GPC5: variants seen among roughly 807,000 people sequenced by gnomAD.
GPC5 encodes glypican 5.
In GPC5, 47 loss-of-function variants were observed where a neutral mutation model predicts 53.9. The ratio of observed to expected loss-of-function variants is 0.87; its 90% CI spans 0.69 to 1.11. The LOEUF (loss-of-function observed/expected upper bound fraction) is 1.11, where lower values mean the gene tolerates loss of function less well. Ranked by LOEUF, GPC5 falls within the 50% of genes most tolerant of loss-of-function variation. The pLI is 0.00. For missense variants in GPC5, 748 were observed against 713.1 expected (o/e 1.05, Z -0.56); for synonymous variants, 286 against 263.3 (o/e 1.09, Z -0.84).
chr13:92,492,942 C>T (rs928386474), intron 7 of GPC5, among the ~76,000 whole-genome samples: 1 of 152,134 alleles, frequency 6.6e-6, no homozygotes, highest in Non-Finnish European at 1.5e-5. Flanking sequence ...TGGAACAAAG[C>T]AGCCTCACCC....
At chr13:92,763,558 GC>G (rs1247453755) in intron 7 of GPC5, among the ~76,000 whole-genome samples, 1 of 152,144 alleles carries the variant, frequency 6.6e-6, no homozygotes, top group Non-Finnish European at 1.5e-5. Context: ...CCCACAAGCT[GC>G]TGCAGGAGCT....
chr13:91,879,366 A>G (rs1030522495), intron 5 of GPC5, among the ~76,000 whole-genome samples: 1 of 152,188 alleles, frequency 6.6e-6, no homozygotes, highest in South Asian at 2.1e-4. Context: ...CATGCATGTT[A>G]AATATCATTA....
chr13:91,498,758 G>T (rs1172078864), intron 2 of GPC5, among the ~76,000 whole-genome samples: 1 of 151,898 alleles, frequency 6.6e-6, no homozygotes, highest in African/African-American at 2.4e-5. Context: ...ATCATTTGAG[G>T]TCAAAGTTCA....
intron 7 of GPC5, among the ~76,000 whole-genome samples, chr13:92,796,183 T>TA: frequency 6.6e-6 from 1 of 152,054 alleles, no homozygotes; most frequent in Non-Finnish European, 1.5e-5. Flanking sequence ...TATGCAACCA[T>TA]AAAAAAGGAT....
chr13:92,703,602 AATT>A (rs1396177103), intron 7 of GPC5, among the ~76,000 whole-genome samples: 2 of 149,250 alleles, frequency 1.3e-5, no homozygotes, highest in African/African-American at 2.4e-5. Flanking sequence ...ATTTATTAAG[AATT>A]ATTAAAATTG....
At chr13:92,185,940 C>G (rs1189266923) in intron 7 of GPC5, among the ~76,000 whole-genome samples, 1 of 151,990 alleles carries the variant, frequency 6.6e-6, no homozygotes, top group African/African-American at 2.4e-5. Context: ...ATACTGAATG[C>G]TAAGAGTGAG....
intron 7 of GPC5, among the ~76,000 whole-genome samples, chr13:92,412,420 T>C (rs1457311980): frequency 6.6e-6 from 1 of 152,184 alleles, no homozygotes; most frequent in African/African-American, 2.4e-5. Context: ...TGATATCGTG[T>C]GTTCAGTAGG....
intron 6 of GPC5, among the ~76,000 whole-genome samples, chr13:92,086,653 CTT>C (rs1294212080): frequency 6.7e-6 from 1 of 149,434 alleles, no homozygotes; most frequent in African/African-American, 2.5e-5. Context: ...CTCTCTCTCT[CTT>C]TTTTTTTTCT....
At chr13:92,012,415 C>T (rs1291856894) in intron 6 of GPC5, among the ~76,000 whole-genome samples, 1 of 151,942 alleles carries the variant, frequency 6.6e-6, no homozygotes, top group Non-Finnish European at 1.5e-5. Context: ...GTTTATCATC[C>T]TGATTTTTTT....
intron 7 of GPC5, among the ~76,000 whole-genome samples, chr13:92,344,248 A>AG (rs1454754520): frequency 6.6e-6 from 1 of 152,100 alleles, no homozygotes; most frequent in Non-Finnish European, 1.5e-5. Flanking sequence ...CCAAGTAAAG[A>AG]GGGGAAACCC....
chr13:92,286,115 G>A (rs1348369329), intron 7 of GPC5, among the ~76,000 whole-genome samples: 2 of 152,154 alleles, frequency 1.3e-5, no homozygotes, highest in Admixed American at 6.5e-5. Flanking sequence ...CCTTTATGCA[G>A]CCAACAGACA....
chr13:92,603,196 G>GA, intron 7 of GPC5, among the ~76,000 whole-genome samples: 1 of 152,134 alleles, frequency 6.6e-6, no homozygotes, highest in Non-Finnish European at 1.5e-5. Flanking sequence ...CAGTTTCCAA[G>GA]AACTGGCCAA....
chr13:91,907,502 T>TA lies in GPC5; in HGVS notation c.1281-435_1281-434insA, dbSNP rs1491219096. Among the ~76,000 whole-genome samples, 405 of 81,120 alleles carry TA rather than the reference T, an allele frequency of 5.0e-3. 2 individuals are homozygous for TA. Among genetic ancestry groups the TA allele is most frequent in the Middle Eastern group, 6.4e-3 (1 of 156 alleles). The allele number at this position is 81,120 out of a possible 152,430, so 53.2% of individuals were successfully genotyped here. On this transcript the variant is annotated intron_variant, in intron 5 of 7. Transcript: ENST00000377067. The stretch of plus-strand genomic sequence containing the variant: ...AGGCTACTCTCTCTCTCTCTCTCTC[T>TA]TTATATATATATATATATATATAGT...
At chr13:92,792,771 A>G (rs533081899) in intron 7 of GPC5, among the ~76,000 whole-genome samples, 5 of 152,300 alleles carry the variant, frequency 3.3e-5, no homozygotes, top group Non-Finnish European at 7.4e-5. Flanking sequence ...ACCAACAAAG[A>G]TCAAAAATGG....
At chr13:91,511,806 A>G (rs1432531868) in intron 2 of GPC5, among the ~76,000 whole-genome samples, 1 of 151,796 alleles carries the variant, frequency 6.6e-6, no homozygotes, top group African/African-American at 2.4e-5. Context: ...AGTGTCTTGT[A>G]TGATAATGTA....
chr13:92,322,662 T>C (rs2043224021), intron 7 of GPC5, among the ~76,000 whole-genome samples: 1 of 152,290 alleles, frequency 6.6e-6, no homozygotes, highest in Admixed American at 6.5e-5. Context: ...AATGTGTATG[T>C]AATGAAATAT....
intron 5 of GPC5, among the ~76,000 whole-genome samples, chr13:91,848,566 GGAGA>G (rs1257828865): frequency 6.6e-6 from 1 of 152,076 alleles, no homozygotes; most frequent in Admixed American, 6.6e-5. Context: ...TGGAAATAGA[GGAGA>G]AAGAGAAAGT....
intron 2 of GPC5, among the ~76,000 whole-genome samples, chr13:91,650,150 G>A (rs557503614): frequency 6.6e-6 from 1 of 152,038 alleles, no homozygotes; most frequent in African/African-American, 2.4e-5. Flanking sequence ...TATGAAGTAT[G>A]TATGTTATAT....
chr13:92,572,199 G>T (rs762438236), intron 7 of GPC5, among the ~76,000 whole-genome samples: 7 of 152,050 alleles, frequency 4.6e-5, no homozygotes, highest in African/African-American at 1.7e-4. Flanking sequence ...GTATAATATT[G>T]ATTTTCCTTC....
Sources: gnomAD v4.1 joint callset for allele counts (sites outside exome capture counted in the v4.1 genomes callset) on GRCh38, gnomAD v4.1.1 for gene constraint, MANE v1.5 for transcripts, NCBI Gene and HGNC (gene_info 2026-07-23, HGNC 2026-07-21) for gene names.